Variants in SLC9C1 observed in about 807,000 individuals in gnomAD.
SLC9C1 encodes solute carrier family 9 member C1, also known as sodium/hydrogen exchanger 10.
In SLC9C1, 97 loss-of-function variants were observed where a neutral mutation model predicts 140.9. The observed-to-expected ratio is 0.69, with a 90% CI of 0.58 to 0.82. SLC9C1 has a LOEUF of 0.82. Among genes scored for constraint, SLC9C1 ranks in the 40% least tolerant of loss-of-function variants. The pLI is 0.00. For missense variants in SLC9C1, 1,340 were observed against 1,389.3 expected, an observed-to-expected ratio of 0.96 and a Z score of 0.56; for synonymous variants, 440 against 442.6, an observed-to-expected ratio of 0.99 and a Z score of 0.07.
At chr3:112,240,361 G>T (rs1032367821) in intron 11 of SLC9C1, among the ~76,000 whole-genome samples, 1 of 152,192 alleles carries the variant, frequency 6.6e-6, no homozygotes, top group Non-Finnish European at 1.5e-5. Flanking sequence ...GAGGTATAAT[G>T]GTTAGTTTCA....
At chr3:112,170,842 T>C (rs2077232525) in intron 23 of SLC9C1, among the ~76,000 whole-genome samples, 1 of 152,232 alleles carries the variant, frequency 6.6e-6, no homozygotes, top group Non-Finnish European at 1.5e-5. Flanking sequence ...TGACAAACTG[T>C]TTCAGACCAA....
At chr3:112,181,871 G>T (rs1199509494) in intron 21 of SLC9C1, among the ~76,000 whole-genome samples, 2 of 152,142 alleles carry the variant, frequency 1.3e-5, no homozygotes, top group Non-Finnish European at 2.9e-5. Context: ...CATGTAATGT[G>T]CATGGAACAC....
At chr3:112,185,206 TGTCA>T (rs1267605549) in intron 20 of SLC9C1, among the ~76,000 whole-genome samples, 2 of 151,834 alleles carry the variant, frequency 1.3e-5, no homozygotes, top group African/African-American at 4.8e-5. Context: ...AGATAGAGGC[TGTCA>T]GTCAGACAGG....
rs372858060 is a variant in SLC9C1 at position 112,141,256 on chromosome 3, G to A, written c.*16C>T. 11 of 1,575,442 alleles carry A rather than the reference G, an allele frequency of 7.0e-6. No homozygotes were observed. The highest frequency in any genetic ancestry group is 4.2e-5 in the African/African-American group (3 of 72,020). Reference sequence around the variant, plus strand: ...TAGCCACAGCATTAATACATGCTTCGGTCTTCTTAACAGTCTTACTCTTTC... The same window carrying A: ...TAGCCACAGCATTAATACATGCTTCAGTCTTCTTAACAGTCTTACTCTTTC... On this transcript the variant is annotated 3_prime_UTR_variant, in exon 29 of 29. Coordinates refer to ENST00000305815, the MANE Select transcript of SLC9C1 (RefSeq NM_183061.3).
At chr3:112,150,787 C>T (rs1430127378) in intron 28 of SLC9C1, among the ~76,000 whole-genome samples, 1 of 29,976 alleles carries the variant, frequency 3.3e-5, no homozygotes, top group African/African-American at 8.8e-5. Context: ...TATATAAATA[C>T]ATATACATAT....
At chr3:112,261,915 G>A (rs549643348) in intron 10 of SLC9C1, among the ~76,000 whole-genome samples, 202 of 152,184 alleles carry the variant, frequency 1.3e-3, no homozygotes, top group African/African-American at 4.7e-3. Context: ...GCTGACTGAT[G>A]TTCTGTTGGT....
At chr3:112,143,604 T>C (rs1012580882) in intron 28 of SLC9C1, among the ~76,000 whole-genome samples, 6 of 152,204 alleles carry the variant, frequency 3.9e-5, no homozygotes, top group Non-Finnish European at 7.3e-5. Flanking sequence ...TGTTCAATTG[T>C]TTAAGTTCTT....
Position 112,161,257 on chromosome 3 carries a change from G to T in SLC9C1, c.3364+5964C>A, listed in dbSNP as rs972438952. 3.0e-3 allele frequency among the ~76,000 whole-genome samples: 462 copies of T among 151,984 alleles called. 4 individuals are homozygous for T. Among genetic ancestry groups the T allele is most frequent in the African/African-American group, 0.011 (441 of 41,474 alleles). ...CTGATGGTAGTTTCTTTTGCTGTGC[G>T]GAAGCTCTTTAGTTTAATTAGATCC... On this transcript the variant is annotated intron_variant, in intron 26 of 28. Coordinates refer to ENST00000305815, the MANE Select transcript of SLC9C1 (RefSeq NM_183061.3).
chr3:112,169,909 A>G (rs1446527179), intron 23 of SLC9C1, among the ~76,000 whole-genome samples: 2 of 152,188 alleles, frequency 1.3e-5, no homozygotes, highest in South Asian at 2.1e-4. Context: ...CTTTCCATAA[A>G]TGGTATTGGG....
At chr3:112,141,941 T>G (rs372908969) in intron 28 of SLC9C1, among the ~76,000 whole-genome samples, 3 of 152,226 alleles carry the variant, frequency 2.0e-5, no homozygotes, top group African/African-American at 7.2e-5. Context: ...CAACCAACCC[T>G]TTTAATGGTT....
At chr3:112,175,173 T>C (rs1306109545) in intron 23 of SLC9C1, among the ~76,000 whole-genome samples, 4 of 152,132 alleles carry the variant, frequency 2.6e-5, no homozygotes, top group Admixed American at 6.5e-5. Context: ...ACTAGCTCCA[T>C]GTAATAGTCT....
At chr3:112,207,242 G>A (rs903485082) in intron 16 of SLC9C1, among the ~76,000 whole-genome samples, 3 of 152,132 alleles carry the variant, frequency 2.0e-5, no homozygotes, top group East Asian at 1.9e-4. Flanking sequence ...TTTCAGCTTG[G>A]GAAATTGGGT....
At chr3:112,167,111 G>T (rs1560022381) in intron 26 of SLC9C1, 110 bp downstream of exon 26, 1 of 1,219,906 alleles carries the variant, frequency 8.2e-7, no homozygotes, top group Admixed American at 2.6e-5. Context: ...CAGTTAAAAG[G>T]ATTCCTCAAT....
intron 16 of SLC9C1, among the ~76,000 whole-genome samples, chr3:112,207,335 C>G (rs985706218): frequency 1.3e-5 from 2 of 152,118 alleles, no homozygotes; most frequent in Non-Finnish European, 2.9e-5. Flanking sequence ...TTGCACAGTA[C>G]TTTGTCAGAG....
intron 19 of SLC9C1, 123 bp downstream of exon 19, chr3:112,200,588 C>G: frequency 1.3e-6 from 1 of 761,212 alleles, no homozygotes; most frequent in Non-Finnish European, 2.2e-6. Flanking sequence ...GTTGAGGTTA[C>G]TCACTTCAGT....
intron 12 of SLC9C1, among the ~76,000 whole-genome samples, chr3:112,232,207 G>A (rs2078848444): frequency 6.6e-6 from 1 of 152,118 alleles, no homozygotes; most frequent in African/African-American, 2.4e-5. Flanking sequence ...TTGATCCTCT[G>A]CCTTCTAAAA....
intron 23 of SLC9C1, among the ~76,000 whole-genome samples, chr3:112,177,677 T>C (rs1034150614): frequency 1.4e-5 from 2 of 146,016 alleles, no homozygotes; most frequent in Non-Finnish European, 3.0e-5. Context: ...AACCTGCACA[T>C]GTACCCCTGT....
At chr3:112,196,204 C>T (rs183000756) in intron 20 of SLC9C1, among the ~76,000 whole-genome samples, 7 of 150,872 alleles carry the variant, frequency 4.6e-5, no homozygotes, top group African/African-American at 7.3e-5. Context: ...TTTTCCACTT[C>T]GAATATATCA....
intron 23 of SLC9C1, among the ~76,000 whole-genome samples, chr3:112,172,492 G>A (rs1465118193): frequency 6.6e-6 from 1 of 151,976 alleles, no homozygotes; most frequent in Non-Finnish European, 1.5e-5. Flanking sequence ...ATGCCATCTT[G>A]CAGAGACAAT....
Sources: gnomAD v4.1 joint callset for allele counts (sites outside exome capture counted in the v4.1 genomes callset) on GRCh38, gnomAD v4.1.1 for gene constraint, MANE v1.5 for transcripts, NCBI Gene and HGNC (gene_info 2026-07-23, HGNC 2026-07-21) for gene names.